NELFA: variants seen among roughly 807,000 people sequenced by gnomAD.
NELFA encodes the protein negative elongation factor complex member A.
A neutral mutation model predicts 51.8 loss-of-function variants in NELFA; 35 were observed. The ratio of observed to expected loss-of-function variants is 0.68; its 90% CI spans 0.52 to 0.90. The LOEUF (loss-of-function observed/expected upper bound fraction) is 0.90. NELFA is among the 40% of genes least tolerant of loss of function. The probability of loss-of-function intolerance (pLI) is 0.00; values close to 1 mark genes in which losing one functional copy is unlikely to be tolerated. For synonymous variants in NELFA, 417 were observed against 338.4 expected, an observed-to-expected ratio of 1.23 and a Z score of -2.55; for missense variants, 658 against 746.4, an observed-to-expected ratio of 0.88 and a Z score of 1.38.
Position 1,989,877 on chromosome 4 carries a change from T to C in NELFA, c.383-8A>G. 1 of 1,611,720 alleles carries C rather than the reference T, an allele frequency of 6.2e-7. No homozygotes were observed. On this transcript the variant is annotated splice_region_variant and splice_polypyrimidine_tract_variant and intron_variant, in intron 2 of 10. Transcript: ENST00000382882. The surrounding 1 kb of genome is among the most constrained non-coding windows in gnomAD (Gnocchi z 4.8). ...ACGCTTCACACTCACCCACTGCCGG[T>C]AAGAACCACATGAAGTTAGGGGCGC...
In NELFA at chr4:1,983,915, A is replaced by G. The variant is rs761460931; in HGVS notation, c.1235T>C (p.Val412Ala). Residue 412 changes from valine to alanine, a missense_variant, in exon 9 of 11, where the codon GTT becomes GCT. By Grantham distance (64) the Val-to-Ala change is moderately conservative. Coordinates refer to ENST00000382882, the MANE Select transcript of NELFA (RefSeq NM_005663.5). ...CTGGGTCTGCGGGGCCACCATGGCAACCGGGGGTGTCTGAGTGGTAGGGGC... is the reference window on the plus strand; with the variant it reads ...CTGGGTCTGCGGGGCCACCATGGCAGCCGGGGGTGTCTGAGTGGTAGGGGC... ...AVAPTTQTPPVAMVAPQTQAP... is the reference protein window; with the variant it reads ...AVAPTTQTPPAAMVAPQTQAP... 2 of 1,606,818 alleles carry G rather than the reference A, an allele frequency of 1.2e-6. No individual in the cohort carries two copies. The highest frequency in any genetic ancestry group is 2.2e-5 in the East Asian group (1 of 44,820).
chr4:2,004,215 A>G (rs1333163486), intron 1 of NELFA: 1 of 152,188 alleles, frequency 6.6e-6, no homozygotes, highest in Non-Finnish European at 1.5e-5. Flanking sequence ...TAAGTGAAAG[A>G]AGTCAGGCAC....
chr4:1,984,733 CT>C, intron 8 of NELFA, 74 bp downstream of exon 8: 2 of 1,088,638 alleles, frequency 1.8e-6, no homozygotes, highest in Non-Finnish European at 2.7e-6. Context: ...AACCGCAGCC[CT>C]GGCAGCGCCC....
chr4:1,994,848 CAAA>C (rs35875576), intron 1 of NELFA, among the ~76,000 whole-genome samples: 3 of 81,862 alleles, frequency 3.7e-5, no homozygotes, highest in Admixed American at 1.2e-4. Context: ...GACTCCGTCT[CAAA>C]AAAAAAAAAA....
At chr4:1,999,548 G>T (rs907546192) in intron 1 of NELFA, among the ~76,000 whole-genome samples, 2 of 152,036 alleles carry the variant, frequency 1.3e-5, no homozygotes, top group Non-Finnish European at 2.9e-5. Flanking sequence ...AAGACAAGAA[G>T]GGTATTACAC....
At chr4:1,995,270 GGTGTGT>G (rs1728391964) in intron 1 of NELFA, among the ~76,000 whole-genome samples, 1 of 152,166 alleles carries the variant, frequency 6.6e-6, no homozygotes, top group African/African-American at 2.4e-5. Context: ...TGGCTCTCCT[GGTGTGT>G]GTGCATGTAT....
intron 5 of NELFA, 29 bp from the exon 6 acceptor site, chr4:1,986,212 G>A (rs751930593): frequency 1.3e-6 from 2 of 1,560,862 alleles, no homozygotes; most frequent in Non-Finnish European, 1.7e-6. Flanking sequence ...CCCTGCCTTA[G>A]TGACGGCACC....
Position 2,006,046 on chromosome 4 carries a change from C to T in NELFA, c.210+2704G>A, listed in dbSNP as rs575711096. On this transcript the variant is annotated intron_variant, in intron 1 of 10. Coordinates refer to ENST00000382882, the MANE Select transcript of NELFA (RefSeq NM_005663.5). Reference sequence around the variant, plus strand: ...GGACAAGAATAGCCATAGATGATCCCGGAGAAAGATACAGTGGGAGGGTTT... The same window carrying T: ...GGACAAGAATAGCCATAGATGATCCTGGAGAAAGATACAGTGGGAGGGTTT... 1.6e-4 allele frequency among the ~76,000 whole-genome samples: 25 copies of T among 152,196 alleles called. 1 individual carries two copies. The South Asian group carries it at 4.1e-3, about 25-fold the overall frequency.
intron 7 of NELFA, 47 bp downstream of exon 7, chr4:1,985,729 G>A: frequency 6.8e-7 from 1 of 1,478,914 alleles, no homozygotes; most frequent in Admixed American, 1.7e-5. Context: ...GGAACAAAAG[G>A]GGCACCCGCA....
rs368804668 is a variant in NELFA at position 1,985,904 on chromosome 4, G to A, written c.836-40C>T. The A allele has an allele frequency of 5.8e-5, 89 of 1,534,118 alleles. No individual in the cohort carries two copies. The African/African-American group carries it at 6.2e-4, about 11-fold the overall frequency. On this transcript the variant is annotated intron_variant, in intron 6 of 10. Transcript: ENST00000382882. The stretch of plus-strand genomic sequence containing the variant: ...GGAGTCCTCGCCAGTGCCCGGGCGC[G>A]TCTGCAGTGTCAGCTCAGGGCAGCG...
At chr4:1,991,905 G>C (rs1409444069) in intron 1 of NELFA, 190 bp from the exon 2 acceptor site, 1 of 575,626 alleles carries the variant, frequency 1.7e-6, no homozygotes, top group Non-Finnish European at 3.0e-6. Context: ...TCCCTGAGCA[G>C]CACAGCCTCT....
In NELFA at chr4:2,008,962, T is replaced by G. The variant is rs1423624379; in HGVS notation, c.-3A>C. 2 of 1,555,356 alleles carry G rather than the reference T, an allele frequency of 1.3e-6. No individual in the cohort carries two copies. The highest frequency in any genetic ancestry group is 1.7e-6 in the Non-Finnish European group (2 of 1,149,272). ...TCGCTCTCCCGCATGGACGCCATCT[T>G]GGGGGAAAGCGCGCGCCGCTGCCCC... On this transcript the variant is annotated 5_prime_UTR_variant, in exon 1 of 11. Coordinates refer to ENST00000382882, the MANE Select transcript of NELFA (RefSeq NM_005663.5).
At chr4:1,984,686 T>G in intron 8 of NELFA, 122 bp downstream of exon 8, 1 of 685,646 alleles carries the variant, frequency 1.5e-6, no homozygotes, top group South Asian at 1.9e-5. Context: ...AGATTCTGGC[T>G]GAGGCAGAAG....
At chr4:2,005,369 A>G (rs1728682624) in intron 1 of NELFA, among the ~76,000 whole-genome samples, 1 of 152,152 alleles carries the variant, frequency 6.6e-6, no homozygotes, top group African/African-American at 2.4e-5. Context: ...CAGAAAAATC[A>G]AGGAGATTCT....
At chr4:1,996,889 AC>A (rs746547743) in intron 1 of NELFA, among the ~76,000 whole-genome samples, 1 of 152,180 alleles carries the variant, frequency 6.6e-6, no homozygotes, top group Non-Finnish European at 1.5e-5. Flanking sequence ...CCAAGATTGC[AC>A]CATTGCACTC....
At chr4:1,986,441 C>A in intron 4 of NELFA, 39 bp from the exon 5 acceptor site, 4 of 1,605,772 alleles carry the variant, frequency 2.5e-6, no homozygotes, top group Non-Finnish European at 3.4e-6. Context: ...GCAGCAGTGA[C>A]CGGCAAACGT....
intron 1 of NELFA, among the ~76,000 whole-genome samples, chr4:1,999,940 T>G (rs945922319): frequency 1.3e-5 from 2 of 152,088 alleles, no homozygotes; most frequent in Non-Finnish European, 2.9e-5. Context: ...CAGACCACAG[T>G]GCAAATTAGA....
At position 1,989,932 on chromosome 4, in the gene NELFA, G is replaced by C; in HGVS notation, c.383-63C>G. ...GCCGCAGACCTCCCGGCTGAGAGGA[G>C]CTGGCGGCTGCCCAGCCCCACACCC... is the stretch of plus-strand genomic sequence containing the variant. On this transcript the variant is annotated intron_variant, in intron 2 of 10. Transcript: ENST00000382882. This position sits in a 1 kb window ranked among gnomAD's most constrained non-coding sequence, Gnocchi z 4.8. The C allele has an allele frequency of 6.4e-7, 1 of 1,563,998 alleles. No individual in the cohort carries two copies. Among genetic ancestry groups the C allele is most frequent in the Non-Finnish European group, 8.7e-7 (1 of 1,153,976 alleles).
At chr4:2,002,701 C>T (rs1339744310) in intron 1 of NELFA, among the ~76,000 whole-genome samples, 4 of 152,160 alleles carry the variant, frequency 2.6e-5, no homozygotes, top group African/African-American at 9.7e-5. Context: ...TGAAACTGGA[C>T]CTCTTCCTTA....
Sources: gnomAD v4.1 joint callset for allele counts (sites outside exome capture counted in the v4.1 genomes callset) on GRCh38, gnomAD v4.1.1 for gene constraint, Gnocchi (gnomAD v3.1) non-coding constraint, MANE v1.5 for transcripts, NCBI Gene and HGNC (gene_info 2026-07-23, HGNC 2026-07-21) for gene names.